TMPRSS15: variants seen among roughly 807,000 people sequenced by gnomAD.
TMPRSS15 encodes enteropeptidase.
Under a neutral mutation model 125.3 loss-of-function variants are expected in TMPRSS15, and 128 were observed. The observed-to-expected ratio is 1.02, with a 90% CI of 0.89 to 1.18. The LOEUF is 1.18. TMPRSS15 is among the 50% of genes most tolerant of loss of function. The probability of loss-of-function intolerance (pLI) is 0.00; values close to 1 mark genes in which losing one functional copy is unlikely to be tolerated. For missense variants in TMPRSS15, 1,283 were observed against 1,212.7 expected (o/e 1.06, Z -0.86); for synonymous variants, 446 against 423.2 (o/e 1.05, Z -0.66).
At chr21:18,350,316 A>G (rs1181413262) in intron 10 of TMPRSS15, among the ~76,000 whole-genome samples, 1 of 152,146 alleles carries the variant, frequency 6.6e-6, no homozygotes, top group East Asian at 1.9e-4. Flanking sequence ...GGGGTTGGCA[A>G]TTTACATAAA....
chr21:18,480,706 G>T (rs186546219), intron 1 of TMPRSS15, among the ~76,000 whole-genome samples: 2 of 151,738 alleles, frequency 1.3e-5, no homozygotes, highest in Admixed American at 1.3e-4. Flanking sequence ...TCTAAGCAAT[G>T]GGTAGTTATC....
intron 4 of TMPRSS15, chr21:18,380,649 G>A: frequency 2.2e-6 from 1 of 460,618 alleles, no homozygotes. Flanking sequence ...AAAACATTGA[G>A]TACACCTTGA....
intron 5 of TMPRSS15, among the ~76,000 whole-genome samples, chr21:18,376,767 C>A (rs1257098073): frequency 6.6e-6 from 1 of 152,170 alleles, no homozygotes; most frequent in Non-Finnish European, 1.5e-5. Context: ...TCCAGTCCTT[C>A]TCCTCTAGTG....
At chr21:18,278,516 G>A (rs1325672049) in intron 23 of TMPRSS15, among the ~76,000 whole-genome samples, 6 of 151,998 alleles carry the variant, frequency 3.9e-5, no homozygotes, top group Non-Finnish European at 8.8e-5. Flanking sequence ...TCAGGAGATC[G>A]AGACCATCCT....
At chr21:18,444,830 C>T (rs2076251297) in intron 1 of TMPRSS15, among the ~76,000 whole-genome samples, 1 of 152,030 alleles carries the variant, frequency 6.6e-6, no homozygotes, top group African/African-American at 2.4e-5. Context: ...CTTTGTTGAC[C>T]AACTTCTCCC....
At chr21:18,308,275 T>G (rs2075057842) in intron 18 of TMPRSS15, among the ~76,000 whole-genome samples, 1 of 152,080 alleles carries the variant, frequency 6.6e-6, no homozygotes, top group Admixed American at 6.6e-5. Context: ...TCAACAAAAA[T>G]TGTTTCTCCT....
intron 10 of TMPRSS15, among the ~76,000 whole-genome samples, chr21:18,347,544 T>C (rs2075521864): frequency 6.6e-6 from 1 of 152,216 alleles, no homozygotes; most frequent in Non-Finnish European, 1.5e-5. Flanking sequence ...GTATATTTTA[T>C]TTATGTTTAT....
intron 13 of TMPRSS15, among the ~76,000 whole-genome samples, chr21:18,332,612 G>C (rs1391296451): frequency 2.0e-5 from 3 of 152,142 alleles, no homozygotes; most frequent in Admixed American, 2.0e-4. Context: ...TGGACAGTTT[G>C]TGGGAAAAAA....
At chr21:18,457,924 T>C (rs973938589) in intron 1 of TMPRSS15, among the ~76,000 whole-genome samples, 2 of 152,162 alleles carry the variant, frequency 1.3e-5, no homozygotes, top group African/African-American at 4.8e-5. Context: ...CCAGAAACTT[T>C]TGAGTATAAT....
intron 4 of TMPRSS15, among the ~76,000 whole-genome samples, chr21:18,379,565 A>G (rs529902702): frequency 9.9e-5 from 15 of 152,220 alleles, no homozygotes; most frequent in African/African-American, 3.1e-4. Context: ...TTTTCTAACT[A>G]AAGAAGACAA....
intron 18 of TMPRSS15, among the ~76,000 whole-genome samples, chr21:18,305,147 G>A (rs138585496): frequency 7.3e-4 from 109 of 149,454 alleles, no homozygotes; most frequent in Non-Finnish European, 1.1e-3. Flanking sequence ...GGGTTCAATA[G>A]GCCAGAGGTA....
At chr21:18,320,618 C>G (rs2075223991) in intron 16 of TMPRSS15, among the ~76,000 whole-genome samples, 1 of 152,040 alleles carries the variant, frequency 6.6e-6, no homozygotes, top group African/African-American at 2.4e-5. Flanking sequence ...TTCTATGAAT[C>G]CAGAAAAATA....
At chr21:18,462,364 A>G (rs910357619) in intron 1 of TMPRSS15, among the ~76,000 whole-genome samples, 1 of 152,126 alleles carries the variant, frequency 6.6e-6, no homozygotes, top group Non-Finnish European at 1.5e-5. Context: ...TAGACTAGTA[A>G]TTTATGCTTG....
At position 18,341,358 on chromosome 21, in the gene TMPRSS15, T is replaced by C; in HGVS notation, c.1564+55A>G. ...AGTGCTGGAATTATAGCTGTGAGCCTCCACACCTGACGTTAATGATTTAAT... is the reference window on the plus strand; with the variant it reads ...AGTGCTGGAATTATAGCTGTGAGCCCCCACACCTGACGTTAATGATTTAAT... On this transcript the variant is annotated intron_variant, in intron 13 of 24. Transcript: ENST00000284885. 3 of 1,607,344 alleles carry C rather than the reference T, an allele frequency of 1.9e-6. No individual in the cohort carries two copies. The Middle Eastern group carries it at 5.0e-4, about 266-fold the overall frequency.
intron 1 of TMPRSS15, among the ~76,000 whole-genome samples, chr21:18,436,247 C>T (rs2076227652): frequency 6.6e-6 from 1 of 151,366 alleles, no homozygotes. Context: ...TGGATCTTTC[C>T]TGCTTTCTCT....
intron 6 of TMPRSS15, among the ~76,000 whole-genome samples, chr21:18,371,366 T>C (rs78690410): frequency 6.6e-6 from 1 of 152,174 alleles, no homozygotes; most frequent in East Asian, 1.9e-4. Context: ...TGTAGTTCTA[T>C]GTGGAAATCT....
intron 1 of TMPRSS15, among the ~76,000 whole-genome samples, chr21:18,423,247 C>T (rs2076195922): frequency 6.6e-6 from 1 of 152,150 alleles, no homozygotes; most frequent in Non-Finnish European, 1.5e-5. Context: ...ACTGCCTGCC[C>T]ACTCCCAAAT....
chr21:18,470,681 CA>C (rs1331530604), intron 1 of TMPRSS15, among the ~76,000 whole-genome samples: 3 of 151,780 alleles, frequency 2.0e-5, no homozygotes, highest in Non-Finnish European at 2.9e-5. Context: ...TCTGTTGTTG[CA>C]ATTATCAATA....
At chr21:18,276,931 T>G (rs556524599) in intron 23 of TMPRSS15, among the ~76,000 whole-genome samples, 2 of 151,816 alleles carry the variant, frequency 1.3e-5, no homozygotes, top group African/African-American at 4.8e-5. Flanking sequence ...TGGCTAATTT[T>G]TTTTTTGTAT....
Sources: allele counts gnomAD v4.1 joint callset (sites outside exome capture counted in the v4.1 genomes callset), GRCh38; gene constraint gnomAD v4.1.1; transcripts MANE v1.5; gene names NCBI Gene and HGNC (gene_info 2026-07-23, HGNC 2026-07-21).